The following NUP155 variants were observed in gnomAD, a reference collection of about 807,000 sequenced individuals.
NUP155 encodes nuclear pore complex protein Nup155.
Under a neutral mutation model 180.4 loss-of-function variants are expected in NUP155, and 71 were observed. The observed-to-expected ratio is 0.39, with a 90% CI of 0.33 to 0.48. NUP155 has a LOEUF of 0.48. Among genes scored for constraint, NUP155 ranks in the 20% least tolerant of loss-of-function variants. The pLI, the probability that NUP155 is intolerant of heterozygous loss-of-function variation, is 0.91. For missense variants in NUP155, 1,553 were observed against 1,648.9 expected (o/e 0.94, Z 1.01); for synonymous variants, 582 against 559.5 (o/e 1.04, Z -0.57).
At chr5:37,322,555 G>C (rs1441337653) in intron 20 of NUP155, among the ~76,000 whole-genome samples, 1 of 151,774 alleles carries the variant, frequency 6.6e-6, no homozygotes, top group Non-Finnish European at 1.5e-5. Flanking sequence ...AAAATACAAA[G>C]AATTAGCTGG....
intron 6 of NUP155, among the ~76,000 whole-genome samples, chr5:37,350,726 C>A (rs1039220824): frequency 6.6e-6 from 1 of 151,530 alleles, no homozygotes; most frequent in Non-Finnish European, 1.5e-5. Context: ...CTGCTTAAAC[C>A]CAGGGGATGG....
At chr5:37,341,593 T>G (rs1347838566) in intron 10 of NUP155, among the ~76,000 whole-genome samples, 6 of 151,978 alleles carry the variant, frequency 3.9e-5, no homozygotes, top group Admixed American at 3.9e-4. Flanking sequence ...CAGGCTGGAG[T>G]GTAGTGGCGC....
chr5:37,343,206 C>T (rs954550319), intron 9 of NUP155, among the ~76,000 whole-genome samples: 3 of 152,184 alleles, frequency 2.0e-5, no homozygotes, highest in East Asian at 1.9e-4. Flanking sequence ...TCCCAAGTAG[C>T]TGGGACTACA....
At chr5:37,313,499 G>GTC (rs1743662434) in intron 22 of NUP155, among the ~76,000 whole-genome samples, 1 of 150,424 alleles carries the variant, frequency 6.6e-6, no homozygotes, top group Admixed American at 6.6e-5. Context: ...GTGTGTGTGT[G>GTC]TGTGTGAGAG....
At chr5:37,309,590 T>TA (rs1743398953) in intron 23 of NUP155, 1 of 245,978 alleles carries the variant, frequency 4.1e-6, no homozygotes. Flanking sequence ...AAAGGATCAA[T>TA]AAAAATGCCC....
chr5:37,367,837 A>G (rs996240089), intron 1 of NUP155, among the ~76,000 whole-genome samples: 8 of 137,078 alleles, frequency 5.8e-5, no homozygotes, highest in South Asian at 2.3e-4. Context: ...TGGCTGGAGT[A>G]CAGTGGCGCG....
chr5:37,337,519 A>G (rs985993644), intron 12 of NUP155, among the ~76,000 whole-genome samples: 12 of 151,562 alleles, frequency 7.9e-5, no homozygotes, highest in African/African-American at 2.9e-4. Flanking sequence ...TGAACCTGAC[A>G]TGTTTTCAGA....
At chr5:37,321,237 T>C (rs1744222449) in intron 20 of NUP155, among the ~76,000 whole-genome samples, 1 of 152,128 alleles carries the variant, frequency 6.6e-6, no homozygotes, top group African/African-American at 2.4e-5. Context: ...TCTCAGCTAC[T>C]TGGAAGGGTG....
chr5:37,347,250 G>A (rs1050357901), intron 9 of NUP155, among the ~76,000 whole-genome samples: 7 of 151,926 alleles, frequency 4.6e-5, no homozygotes, highest in East Asian at 1.9e-4. Context: ...ACAAAAAACC[G>A]AAAGAGTGAA....
rs199635730 is a variant in NUP155 at position 37,307,370 on chromosome 5, C to A, written c.2830G>T (p.Gly944Cys). 9.9e-6 allele frequency: 16 copies of A among 1,613,816 alleles called. No homozygotes were observed. The highest frequency in any genetic ancestry group is 1.6e-4 in the Middle Eastern group (1 of 6,082). Reference sequence around the variant, plus strand: ...TGTTTATAGAAATGAAGCCCAAGACCTTGAGGATCTTTTTTCTCTGCAGCC... The same window carrying A: ...TGTTTATAGAAATGAAGCCCAAGACATTGAGGATCTTTTTTCTCTGCAGCC... ...LTAAEKKDPQ[G>C]LGLHFYKHGE... Residue 944 changes from glycine (G) to cysteine (C), a missense_variant, in exon 25 of 35, where the codon GGT becomes TGT. Transcript: ENST00000231498.
In NUP155 at chr5:37,352,725, G is replaced by A. The variant is rs1368512087; in HGVS notation, c.556+12C>T. 1.3e-6 allele frequency: 2 copies of A among 1,570,018 alleles called. No individual in the cohort carries two copies. Among genetic ancestry groups the A allele is most frequent in the Non-Finnish European group, 1.8e-6 (2 of 1,140,152 alleles). On this transcript the variant is annotated intron_variant, in intron 5 of 34. Coordinates refer to ENST00000231498, the MANE Select transcript of NUP155 (RefSeq NM_153485.3). ...ATTATTTTAAAAAACGTTAACATGT[G>A]GGTTGCCATACCTGTTTGCAAATTA... is the stretch of plus-strand genomic sequence containing the variant.
intron 3 of NUP155, among the ~76,000 whole-genome samples, chr5:37,360,657 A>G (rs911923145): frequency 6.6e-6 from 1 of 151,572 alleles, no homozygotes; most frequent in Non-Finnish European, 1.5e-5. Context: ...GTGGTGGTGC[A>G]TGCCTATAAT....
Position 37,301,673 on chromosome 5 carries a change from T to G in NUP155, c.3448-123A>C. On this transcript the variant is annotated intron_variant, in intron 29 of 34. Transcript: ENST00000231498. ...AATAATGTATAAATGAAGATTTCTA[T>G]CATAATAGGCTAATATTATCATAAC... The G allele has an allele frequency of 4.3e-6, 3 of 704,774 alleles. No homozygotes were observed. The South Asian group carries it at 4.4e-5, about 10-fold the overall frequency. 43.7% of individuals were successfully genotyped at this position (704,774 alleles called of 1,614,324 possible). A position where few individuals can be genotyped will look rare whatever the true frequency, so the allele number is the denominator to read the frequency against.
chr5:37,365,752 T>TATATATACACAC (rs1403169370), intron 1 of NUP155, among the ~76,000 whole-genome samples: 51 of 37,884 alleles, frequency 1.3e-3, no homozygotes, highest in South Asian at 5.8e-3. Flanking sequence ...TATATATATA[T>TATATATACACAC]ACACACACAC....
intron 12 of NUP155, among the ~76,000 whole-genome samples, chr5:37,337,363 T>C (rs1745398284): frequency 6.6e-6 from 1 of 152,120 alleles, no homozygotes; most frequent in South Asian, 2.1e-4. Flanking sequence ...AACTTTATGT[T>C]TGAAAGTTTC....
At chr5:37,366,619 AAT>A (rs1199872805) in intron 1 of NUP155, among the ~76,000 whole-genome samples, 1 of 150,420 alleles carries the variant, frequency 6.6e-6, no homozygotes, top group Non-Finnish European at 1.5e-5. Flanking sequence ...TTGTAGTTTT[AAT>A]AGAGACAAGG....
In NUP155 at chr5:37,291,917, AT is replaced by A. The variant is rs1445587202; in HGVS notation, c.4158del (p.Lys1386AsnfsTer2). 1 of 1,614,092 alleles carries A rather than the reference AT, an allele frequency of 6.2e-7. No homozygotes were observed. Among genetic ancestry groups the A allele is most frequent in the Non-Finnish European group, 8.5e-7 (1 of 1,179,960 alleles). On this transcript the variant is annotated frameshift_variant, in exon 35 of 35. Transcript: ENST00000231498. ...CACAGTAATTAATGAAGCCGTTCTA[AT>A]TTAGCTTGAAGAGATTTAAAATTCC... is the stretch of plus-strand genomic sequence containing the variant. ...ITGNFKSLQAKLERLH is the reference protein window; with the variant it reads ...ITGNFKSLQAXLERLH
chr5:37,335,160 A>G (rs2150970628), intron 12 of NUP155, among the ~76,000 whole-genome samples: 1 of 150,452 alleles, frequency 6.6e-6, no homozygotes, highest in Non-Finnish European at 1.5e-5. Flanking sequence ...TCTGTCACAA[A>G]AAAAAAAAAA....
intron 6 of NUP155, among the ~76,000 whole-genome samples, chr5:37,350,582 T>A (rs973013698): frequency 2.0e-5 from 3 of 151,996 alleles, no homozygotes; most frequent in Admixed American, 1.3e-4. Context: ...GGCAGGTGGA[T>A]CATTTGAGGT....
Sources: allele counts gnomAD v4.1 joint callset (sites outside exome capture counted in the v4.1 genomes callset), GRCh38; gene constraint gnomAD v4.1.1; transcripts MANE v1.5; gene names NCBI Gene and HGNC (gene_info 2026-07-23, HGNC 2026-07-21).